The following BBS7 variants were observed in gnomAD, a reference collection of about 807,000 sequenced individuals.
BBS7 encodes BBSome complex member BBS7.
Under a neutral mutation model 90.3 loss-of-function variants are expected in BBS7, and 50 were observed. The observed-to-expected ratio is 0.55, with a 90% CI of 0.44 to 0.70. BBS7 has a LOEUF of 0.70. BBS7 is among the 30% of genes least tolerant of loss of function. The pLI is 0.00. For missense variants in BBS7, 729 were observed against 838.9 expected (o/e 0.87, Z 1.62); for synonymous variants, 235 against 287.4 (o/e 0.82, Z 1.85).
intron 1 of BBS7, among the ~76,000 whole-genome samples, chr4:121,868,745 A>T (rs1271373627): frequency 6.6e-6 from 1 of 150,702 alleles, no homozygotes; most frequent in East Asian, 1.9e-4. Context: ...ACCAAATATG[A>T]TAATGGCCAT....
At chr4:121,861,445 A>G (rs1356422594) in intron 4 of BBS7, 59 bp downstream of exon 4, 5 of 1,524,104 alleles carry the variant, frequency 3.3e-6, no homozygotes, top group East Asian at 2.3e-5. Flanking sequence ...GTTGCCTCAC[A>G]TCTATCCAAA....
chr4:121,825,800 C>G lies in BBS7; in HGVS notation c.*60G>C. On this transcript the variant is annotated 3_prime_UTR_variant, in exon 19 of 19. Coordinates refer to ENST00000264499, the MANE Select transcript of BBS7 (RefSeq NM_176824.3). ...GTACATACACAGTTAACTTCTAATT[C>G]TCTTTTAACATTTTTCATTTAAACA... 6.4e-7 allele frequency: 1 copy of G among 1,559,578 alleles called. No individual in the cohort carries two copies. The highest frequency in any genetic ancestry group is 8.8e-7 in the Non-Finnish European group (1 of 1,138,290).
In BBS7 at chr4:121,845,708, C is replaced by T. The variant is rs1725978198; in HGVS notation, c.1038-12G>A. ...GTTCCAACTCATTCCTGGAGAAAAA[C>T]ACATACAAATTTGTCAAATATAAGT... On this transcript the variant is annotated splice_polypyrimidine_tract_variant and intron_variant, in intron 10 of 18. Coordinates refer to ENST00000264499, the MANE Select transcript of BBS7 (RefSeq NM_176824.3). 1 of 1,606,664 alleles carries T rather than the reference C, an allele frequency of 6.2e-7. No individual in the cohort carries two copies. The highest frequency in any genetic ancestry group is 8.5e-7 in the Non-Finnish European group (1 of 1,173,992).
intron 12 of BBS7, among the ~76,000 whole-genome samples, chr4:121,840,733 CAAA>C (rs1397253855): frequency 6.6e-6 from 1 of 151,546 alleles, no homozygotes; most frequent in Non-Finnish European, 1.5e-5. Flanking sequence ...ATTAAATAAT[CAAA>C]GAAATAAAAA....
At chr4:121,827,730 T>A in intron 18 of BBS7, 4 of 891,366 alleles carry the variant, frequency 4.5e-6, no homozygotes, top group South Asian at 5.1e-5. Context: ...ACACAAATAC[T>A]GTATATCCTT....
rs368403718 is a variant in BBS7 at position 121,848,975 on chromosome 4, A to T, written c.850-47T>A. The T allele has an allele frequency of 2.1e-6, 3 of 1,396,450 alleles. No homozygotes were observed. In the African/African-American group the frequency reaches 4.2e-5, roughly 20 times the overall value. The allele number at this position is 1,396,450 out of a possible 1,614,324, so 86.5% of individuals were successfully genotyped here. A position where few individuals can be genotyped will look rare whatever the true frequency, so the allele number is the denominator to read the frequency against. On this transcript the variant is annotated intron_variant, in intron 8 of 18. Coordinates refer to ENST00000264499, the MANE Select transcript of BBS7 (RefSeq NM_176824.3). ...CACTTCATTAGTAACTAAAAAATCCACAGATATATTAAAATAAGCCACACA... is the reference window on the plus strand; with the variant it reads ...CACTTCATTAGTAACTAAAAAATCCTCAGATATATTAAAATAAGCCACACA...
intron 8 of BBS7, among the ~76,000 whole-genome samples, chr4:121,850,276 C>T (rs572431329): frequency 4.9e-4 from 74 of 152,022 alleles, no homozygotes; most frequent in Admixed American, 2.2e-3. Context: ...GTGACCCTCC[C>T]ACCTTGGCCT....
At chr4:121,865,833 A>G (rs987670649) in intron 2 of BBS7, among the ~76,000 whole-genome samples, 1 of 152,208 alleles carries the variant, frequency 6.6e-6, no homozygotes, top group Non-Finnish European at 1.5e-5. Context: ...AATGGCACAG[A>G]AGAGTTTCCT....
At position 121,845,675 on chromosome 4, in the gene BBS7, C is replaced by A; in HGVS notation, c.1059G>T (p.Gln353His). The A allele has an allele frequency of 6.2e-7, 1 of 1,612,966 alleles. No homozygotes were observed. The highest frequency in any genetic ancestry group is 8.5e-7 in the Non-Finnish European group (1 of 1,179,310). Residue 353 changes from glutamine (Q) to histidine (H), a missense_variant, in exon 11 of 19, where the codon CAG becomes CAT. Coordinates refer to ENST00000264499, the MANE Select transcript of BBS7 (RefSeq NM_176824.3). ...TCTCTCTTTCCTGCAATACCTTATACTGCAAATGTTCCAACTCATTCCTGG... is the reference window on the plus strand; with the variant it reads ...TCTCTCTTTCCTGCAATACCTTATAATGCAAATGTTCCAACTCATTCCTGG... The part of the protein sequence containing the change: ...SSLRNELEHL[Q>H]YKVLQERENY...
chr4:121,841,029 G>A (rs917861718), intron 12 of BBS7, among the ~76,000 whole-genome samples: 2 of 151,792 alleles, frequency 1.3e-5, no homozygotes, highest in Admixed American at 6.6e-5. Context: ...TAGTAAAGAG[G>A]GTGTTTTACC....
intron 5 of BBS7, among the ~76,000 whole-genome samples, chr4:121,855,883 T>C (rs1026689467): frequency 4.9e-5 from 7 of 143,786 alleles, no homozygotes; most frequent in Admixed American, 2.7e-4. Flanking sequence ...TATGTACATA[T>C]ATGTACATAC....
At chr4:121,850,761 A>AG (rs1560656142) in intron 8 of BBS7, among the ~76,000 whole-genome samples, 1 of 152,154 alleles carries the variant, frequency 6.6e-6, no homozygotes, top group Non-Finnish European at 1.5e-5. Context: ...AGGGAGTGGA[A>AG]GGAAGGGACA....
intron 13 of BBS7, 124 bp downstream of exon 13, chr4:121,839,507 A>C (rs1477365922): frequency 1.2e-6 from 1 of 821,682 alleles, no homozygotes; most frequent in Non-Finnish European, 2.0e-6. Flanking sequence ...AAAATTCATT[A>C]CTCCAAACAA....
intron 13 of BBS7, 115 bp from the exon 14 acceptor site, chr4:121,835,398 A>G: frequency 4.0e-6 from 5 of 1,234,746 alleles, no homozygotes; most frequent in Non-Finnish European, 5.7e-6. Context: ...TGAAGACCTA[A>G]TTTAAGAGGA....
intron 8 of BBS7, 25 bp downstream of exon 8, chr4:121,852,931 A>G: frequency 6.2e-7 from 1 of 1,609,074 alleles, no homozygotes; most frequent in Non-Finnish European, 8.5e-7. Context: ...AATAATAAGC[A>G]TATAGTCTTT....
At chr4:121,855,134 G>A (rs956924942) in intron 6 of BBS7, among the ~76,000 whole-genome samples, 3 of 151,772 alleles carry the variant, frequency 2.0e-5, no homozygotes, top group Non-Finnish European at 2.9e-5. Context: ...GCAACATGGC[G>A]AAACCCTGTC....
intron 5 of BBS7, chr4:121,858,728 C>T (rs945519714): frequency 4.2e-5 from 16 of 379,634 alleles, no homozygotes; most frequent in African/African-American, 2.9e-4. Flanking sequence ...AGTCAAAGTA[C>T]TCCATTCTGA....
At chr4:121,837,748 C>T (rs1299842435) in intron 13 of BBS7, among the ~76,000 whole-genome samples, 1 of 152,002 alleles carries the variant, frequency 6.6e-6, no homozygotes, top group African/African-American at 2.4e-5. Context: ...TCATAATTTT[C>T]TTGGCTCTTT....
chr4:121,839,483 C>T, intron 13 of BBS7, 148 bp downstream of exon 13: 1 of 683,596 alleles, frequency 1.5e-6, no homozygotes, highest in Non-Finnish European at 2.6e-6. Flanking sequence ...AAATTACATC[C>T]TAACTGGTCA....
Sources: gnomAD v4.1 joint callset for allele counts (sites outside exome capture counted in the v4.1 genomes callset) on GRCh38, gnomAD v4.1.1 for gene constraint, MANE v1.5 for transcripts, NCBI Gene and HGNC (gene_info 2026-07-23, HGNC 2026-07-21) for gene names.